Variants in SUPT3H observed in about 807,000 individuals in gnomAD.
SUPT3H encodes SPT3 homolog, SAGA and STAGA complex component.
SUPT3H carries 44 observed loss-of-function variants against 44.3 expected under a neutral mutation model. The ratio of observed to expected loss-of-function variants is 0.99; its 90% confidence interval spans 0.78 to 1.28. SUPT3H has a LOEUF of 1.28. SUPT3H is among the 50% of genes most tolerant of loss of function. The pLI, the probability that SUPT3H is intolerant of heterozygous loss-of-function variation, is 0.00. For missense variants in SUPT3H, 380 were observed against 387.1 expected, an observed-to-expected ratio of 0.98 and a Z score of 0.15; for synonymous variants, 124 against 125.6, an observed-to-expected ratio of 0.99 and a Z score of 0.09.
chr6:44,989,747 A>C (rs1010185248), intron 6 of SUPT3H, among the ~76,000 whole-genome samples: 9 of 152,020 alleles, frequency 5.9e-5, no homozygotes, highest in African/African-American at 2.2e-4. Context: ...TTCCCTGATG[A>C]TTAGTACTGT....
intron 2 of SUPT3H, among the ~76,000 whole-genome samples, chr6:45,186,153 A>G (rs1814175966): frequency 6.6e-6 from 1 of 152,200 alleles, no homozygotes; most frequent in Non-Finnish European, 1.5e-5. Context: ...CTGTAGTGGT[A>G]CTGGGGGAAA....
intron 2 of SUPT3H, among the ~76,000 whole-genome samples, chr6:45,143,180 G>A (rs1156304191): frequency 1.3e-5 from 2 of 152,040 alleles, no homozygotes; most frequent in Non-Finnish European, 2.9e-5. Flanking sequence ...TAGAAACAAC[G>A]AACTTAAACT....
Position 45,167,030 on chromosome 6 carries a change from C to T in SUPT3H, c.102-61024G>A, listed in dbSNP as rs543039221. On this transcript the variant is annotated intron_variant, in intron 2 of 10. Transcript: ENST00000371459. ...TTCCAATTCCACTCTTATACATATA[C>T]ACCCAATAAAGTAATCAAATAATTT... Among the ~76,000 whole-genome samples the T allele has an allele frequency of 5.9e-5, 9 of 152,258 alleles. No individual in the cohort carries two copies. The South Asian group carries it at 6.2e-4, about 11-fold the overall frequency.
intron 2 of SUPT3H, among the ~76,000 whole-genome samples, chr6:45,248,958 G>A (rs970382823): frequency 3.3e-5 from 5 of 150,952 alleles, no homozygotes; most frequent in Non-Finnish European, 7.4e-5. Flanking sequence ...ATGGCAATGC[G>A]AAATACAAAG....
chr6:45,068,999 A>T (rs554823689), intron 3 of SUPT3H, among the ~76,000 whole-genome samples: 4 of 151,624 alleles, frequency 2.6e-5, no homozygotes, highest in Non-Finnish European at 5.9e-5. Flanking sequence ...AATAAAAAAA[A>T]TAAAATAAAA....
At chr6:44,819,046 T>C (rs917148942) in intron 11 of SUPT3H, among the ~76,000 whole-genome samples, 1 of 152,206 alleles carries the variant, frequency 6.6e-6, no homozygotes, top group African/African-American at 2.4e-5. Flanking sequence ...TTATTTTTAA[T>C]AGCAACGAAA....
intron 3 of SUPT3H, among the ~76,000 whole-genome samples, chr6:45,045,394 C>G (rs1200458933): frequency 6.6e-6 from 1 of 152,144 alleles, no homozygotes; most frequent in Non-Finnish European, 1.5e-5. Context: ...ACTGTCATAA[C>G]CCCAAACTAC....
chr6:45,079,930 A>T (rs566047071), intron 3 of SUPT3H, among the ~76,000 whole-genome samples: 1 of 152,218 alleles, frequency 6.6e-6, no homozygotes. Flanking sequence ...ATAGGCAATC[A>T]AAGTAAAAAT....
chr6:45,326,676 A>G (rs933733321), intron 2 of SUPT3H, among the ~76,000 whole-genome samples: 5 of 151,940 alleles, frequency 3.3e-5, no homozygotes, highest in African/African-American at 1.2e-4. Flanking sequence ...ATTTTGGGAA[A>G]ATCAAATTTT....
At chr6:45,335,396 G>A (rs1418335049) in intron 2 of SUPT3H, among the ~76,000 whole-genome samples, 1 of 151,138 alleles carries the variant, frequency 6.6e-6, no homozygotes, top group Non-Finnish European at 1.5e-5. Context: ...ACCTACTGCT[G>A]TATCACTATA....
At chr6:45,267,282 C>T (rs1029241351) in intron 2 of SUPT3H, among the ~76,000 whole-genome samples, 5 of 152,102 alleles carry the variant, frequency 3.3e-5, no homozygotes, top group Non-Finnish European at 7.4e-5. Context: ...AAAATTCATG[C>T]CCTAATTAAG....
rs115798102 is a variant in SUPT3H at position 45,077,012 on chromosome 6, T to C, written c.186+28910A>G. Among the ~76,000 whole-genome samples the C allele has an allele frequency of 5.1e-3, 784 of 152,262 alleles. 4 individuals carry two copies. The highest frequency in any genetic ancestry group is 6.9e-3 in the Non-Finnish European group (472 of 68,020). On this transcript the variant is annotated intron_variant, in intron 3 of 10. Coordinates refer to ENST00000371459, the MANE Select transcript of SUPT3H (RefSeq NM_003599.4). ...GCTATGTTCCCCTCAAAATGTTCTA[T>C]TCACTTTTCTTGACTTGTTCTCCTA...
chr6:45,233,705 G>A (rs28463085), intron 2 of SUPT3H, among the ~76,000 whole-genome samples: 18,145 of 152,092 alleles, frequency 0.12, 1,271 homozygotes, highest in African/African-American at 0.19. Context: ...TTCTATTCAA[G>A]GTATGATTGT....
At chr6:44,981,009 G>A (rs557356553) in intron 6 of SUPT3H, among the ~76,000 whole-genome samples, 1 of 152,266 alleles carries the variant, frequency 6.6e-6, no homozygotes, top group African/African-American at 2.4e-5. Flanking sequence ...AGGAAAAGGG[G>A]TTTGACAAAT....
chr6:45,187,867 T>C (rs1365106854), intron 2 of SUPT3H, among the ~76,000 whole-genome samples: 1 of 152,228 alleles, frequency 6.6e-6, no homozygotes, highest in Non-Finnish European at 1.5e-5. Flanking sequence ...CAGTTCCCCC[T>C]CACCATAGTT....
rs192156250 is a variant in SUPT3H, at chr6:45,089,746, A to G, written c.186+16176T>C. On this transcript the variant is annotated intron_variant, in intron 3 of 10. Coordinates refer to ENST00000371459, the MANE Select transcript of SUPT3H (RefSeq NM_003599.4). ...TGTAACTGTGCAACTTAGAGCTAGC[A>G]ACAACTTTTGCCTAAATACTGCAAT... Among the ~76,000 whole-genome samples, 69 of 152,048 alleles carry G rather than the reference A, an allele frequency of 4.5e-4. 1 individual carries two copies. In the Middle Eastern group the frequency reaches 0.01, roughly 22 times the overall value.
At chr6:45,251,395 G>GCACACA (rs70996313) in intron 2 of SUPT3H, among the ~76,000 whole-genome samples, 2,654 of 144,940 alleles carry the variant, frequency 0.018, 40 homozygotes, top group South Asian at 0.066. Context: ...AAGAGAAGCT[G>GCACACA]CACACACACA....
At chr6:44,894,766 T>C (rs1480446562) in intron 10 of SUPT3H, among the ~76,000 whole-genome samples, 3 of 151,706 alleles carry the variant, frequency 2.0e-5, no homozygotes, top group Non-Finnish European at 4.4e-5. Context: ...ATTTAAAATA[T>C]GTATTTTGAG....
intron 2 of SUPT3H, among the ~76,000 whole-genome samples, chr6:45,161,413 G>A (rs188969579): frequency 1.3e-5 from 2 of 152,108 alleles, no homozygotes; most frequent in African/African-American, 4.8e-5. Context: ...TGATCTCTAC[G>A]TAGGGCAATA....
Sources: gnomAD v4.1 joint callset for allele counts (sites outside exome capture counted in the v4.1 genomes callset) on GRCh38, gnomAD v4.1.1 for gene constraint, MANE v1.5 for transcripts, NCBI Gene and HGNC (gene_info 2026-07-23, HGNC 2026-07-21) for gene names.